The following CDK14 variants were observed in gnomAD, a reference collection of about 807,000 sequenced individuals.
CDK14 encodes cyclin-dependent kinase 14.
A neutral mutation model predicts 60.7 loss-of-function variants in CDK14; 34 were observed. The observed-to-expected ratio is 0.56, with a 90% CI of 0.43 to 0.75. CDK14 has a LOEUF of 0.75. Among genes scored for constraint, CDK14 ranks in the 30% least tolerant of loss-of-function variants. The pLI, the probability that CDK14 is intolerant of heterozygous loss-of-function variation, is 0.00. For synonymous variants in CDK14, 197 were observed against 203.7 expected (o/e 0.97, Z 0.28); for missense variants, 482 against 564.1 (o/e 0.85, Z 1.47).
intron 6 of CDK14, among the ~76,000 whole-genome samples, chr7:90,881,237 G>C (rs929747719): frequency 5.9e-5 from 9 of 152,168 alleles, no homozygotes; most frequent in African/African-American, 1.9e-4. Context: ...AACCAGTTTA[G>C]GGAGGAACAT....
At chr7:90,936,110 A>G (rs1280383808) in intron 8 of CDK14, among the ~76,000 whole-genome samples, 1 of 151,920 alleles carries the variant, frequency 6.6e-6, no homozygotes, top group Non-Finnish European at 1.5e-5. Flanking sequence ...TAATTTGGCC[A>G]TGTTAACATA....
At chr7:90,644,781 G>C (rs556718881) in intron 2 of CDK14, among the ~76,000 whole-genome samples, 1 of 152,202 alleles carries the variant, frequency 6.6e-6, no homozygotes, top group African/African-American at 2.4e-5. Flanking sequence ...TCCTGCACTC[G>C]CCACCATAGG....
intron 11 of CDK14, among the ~76,000 whole-genome samples, chr7:91,047,243 A>C (rs922130550): frequency 1.5e-4 from 23 of 152,230 alleles, no homozygotes; most frequent in Admixed American, 1.0e-3. Flanking sequence ...AGGCAAATGA[A>C]ACAGGAGACT....
At chr7:90,694,083 T>A (rs1290014602) in intron 2 of CDK14, among the ~76,000 whole-genome samples, 1 of 152,168 alleles carries the variant, frequency 6.6e-6, no homozygotes, top group Non-Finnish European at 1.5e-5. Context: ...TGACTGTGAT[T>A]AGAGTCTGCT....
At chr7:91,141,247 C>G (rs1018104807) in intron 14 of CDK14, among the ~76,000 whole-genome samples, 1 of 152,080 alleles carries the variant, frequency 6.6e-6, no homozygotes, top group Non-Finnish European at 1.5e-5. Context: ...GTCAGTGTGA[C>G]GTAGTCATGT....
chr7:90,921,640 A>G (rs1584126086), intron 8 of CDK14, among the ~76,000 whole-genome samples: 2 of 152,198 alleles, frequency 1.3e-5, no homozygotes, highest in African/African-American at 2.4e-5. Context: ...AGTCATGTCT[A>G]TACCAAAAGA....
At chr7:90,882,262 C>CA (rs142619671) in intron 6 of CDK14, among the ~76,000 whole-genome samples, 28,920 of 116,502 alleles carry the variant, frequency 0.25, 4,124 homozygotes, top group South Asian at 0.34. Flanking sequence ...AAATGGAAAG[C>CA]AAAAAAAAAA....
chr7:90,878,419 A>C (rs1293676398), intron 6 of CDK14, among the ~76,000 whole-genome samples: 1 of 152,162 alleles, frequency 6.6e-6, no homozygotes, highest in Non-Finnish European at 1.5e-5. Flanking sequence ...GACTGGCCAC[A>C]GATTTATTTG....
chr7:91,040,197 C>T (rs541970421), intron 10 of CDK14, among the ~76,000 whole-genome samples: 2 of 152,310 alleles, frequency 1.3e-5, no homozygotes, highest in African/African-American at 4.8e-5. Flanking sequence ...CTGTCGGGGG[C>T]AGTGCAAGCT....
chr7:91,173,698 C>T (rs367695043), intron 14 of CDK14, among the ~76,000 whole-genome samples: 33 of 152,124 alleles, frequency 2.2e-4, no homozygotes, highest in East Asian at 1.4e-3. Context: ...GGGTGACGGA[C>T]GGCACCTGGA....
intron 9 of CDK14, among the ~76,000 whole-genome samples, chr7:90,960,154 G>A (rs910582737): frequency 6.6e-6 from 1 of 151,978 alleles, no homozygotes; most frequent in Non-Finnish European, 1.5e-5. Flanking sequence ...TTCCTCTATA[G>A]AGGAATATAA....
At chr7:91,105,425 C>T (rs1297284076) in intron 12 of CDK14, among the ~76,000 whole-genome samples, 1 of 152,232 alleles carries the variant, frequency 6.6e-6, no homozygotes, top group Non-Finnish European at 1.5e-5. Flanking sequence ...TGCCAGCCTT[C>T]ACTATGGATG....
chr7:90,772,014 C>T (rs530099480), intron 4 of CDK14, among the ~76,000 whole-genome samples: 1 of 152,314 alleles, frequency 6.6e-6, no homozygotes, highest in Non-Finnish European at 1.5e-5. Context: ...TGAGACAAGA[C>T]TAACAGATGG....
intron 10 of CDK14, among the ~76,000 whole-genome samples, chr7:91,019,426 A>C (rs1019321709): frequency 6.6e-6 from 1 of 152,230 alleles, no homozygotes; most frequent in African/African-American, 2.4e-5. Context: ...ACAATAATAC[A>C]TGATTTTAAA....
At chr7:90,733,961 C>T (rs919842253) in intron 3 of CDK14, among the ~76,000 whole-genome samples, 4 of 152,110 alleles carry the variant, frequency 2.6e-5, no homozygotes, top group Non-Finnish European at 5.9e-5. Context: ...TGTTCCTTTC[C>T]ATGTTTAGTG....
chr7:91,100,642 A>G (rs1320791072), intron 12 of CDK14, among the ~76,000 whole-genome samples: 1 of 152,208 alleles, frequency 6.6e-6, no homozygotes, highest in Non-Finnish European at 1.5e-5. Flanking sequence ...ACAGATTTTT[A>G]AAAAGCAGAT....
intron 10 of CDK14, 65 bp downstream of exon 10, chr7:90,984,306 C>A: frequency 1.0e-6 from 1 of 952,762 alleles, no homozygotes; most frequent in Non-Finnish European, 1.7e-6. Flanking sequence ...GTGACAAATT[C>A]TACAGCAGTC....
chr7:90,899,379 AG>A, intron 7 of CDK14, 26 bp downstream of exon 7: 1 of 1,562,574 alleles, frequency 6.4e-7, no homozygotes, highest in Non-Finnish European at 8.7e-7. Context: ...TTTAAGCCAA[AG>A]GTTAGCATTC....
intron 4 of CDK14, among the ~76,000 whole-genome samples, chr7:90,788,155 G>C (rs767350863): frequency 7.2e-5 from 11 of 152,144 alleles, no homozygotes; most frequent in Non-Finnish European, 1.5e-4. Context: ...GAAAAAGGTT[G>C]TGTGTGTGTT....
Sources: gnomAD v4.1 joint callset for allele counts (sites outside exome capture counted in the v4.1 genomes callset) on GRCh38, gnomAD v4.1.1 for gene constraint, MANE v1.5 for transcripts, NCBI Gene and HGNC (gene_info 2026-07-23, HGNC 2026-07-21) for gene names.